The following MAP7 variants were observed in gnomAD, a reference collection of about 807,000 sequenced individuals.
MAP7 encodes ensconsin.
In MAP7, 52 loss-of-function variants were observed where a neutral mutation model predicts 94.8. That is an observed-to-expected ratio of 0.55 (90% confidence interval 0.44 to 0.69). MAP7 has a LOEUF of 0.69. MAP7 is among the 30% of genes least tolerant of loss of function. MAP7 has a pLI of 0.00. For synonymous variants in MAP7, 350 were observed against 357.0 expected (o/e 0.98, Z 0.22); for missense variants, 940 against 964.6 (o/e 0.97, Z 0.34).
chr6:136,433,143 C>G (rs1795438050), intron 1 of MAP7, among the ~76,000 whole-genome samples: 1 of 152,102 alleles, frequency 6.6e-6, no homozygotes, highest in African/African-American at 2.4e-5. Flanking sequence ...TGAAAAAAAA[C>G]TATGTATAAA....
chr6:136,474,771 T>A (rs1231342805), intron 1 of MAP7, among the ~76,000 whole-genome samples: 2 of 151,488 alleles, frequency 1.3e-5, no homozygotes, highest in Non-Finnish European at 2.9e-5. Context: ...CAGGCTGGAG[T>A]GCAATGGCAC....
chr6:136,439,237 C>G (rs1202308202), intron 1 of MAP7, among the ~76,000 whole-genome samples: 1 of 152,030 alleles, frequency 6.6e-6, no homozygotes, highest in Non-Finnish European at 1.5e-5. Context: ...GGGATTAGTA[C>G]CCTTATAAAA....
At chr6:136,407,855 A>G (rs566292045) in intron 3 of MAP7, among the ~76,000 whole-genome samples, 1 of 152,218 alleles carries the variant, frequency 6.6e-6, no homozygotes, top group Non-Finnish European at 1.5e-5. Context: ...AAGCATCAAA[A>G]ATGACGGAAA....
chr6:136,499,376 T>C (rs954890654), intron 1 of MAP7, among the ~76,000 whole-genome samples: 3 of 152,146 alleles, frequency 2.0e-5, no homozygotes, highest in African/African-American at 4.8e-5. Flanking sequence ...CTAACTAATA[T>C]GGGGCTTCAT....
At chr6:136,423,343 G>C (rs544864871) in intron 1 of MAP7, among the ~76,000 whole-genome samples, 1 of 152,138 alleles carries the variant, frequency 6.6e-6, no homozygotes, top group Non-Finnish European at 1.5e-5. Context: ...ACGAGATAAC[G>C]TACAGAAAGG....
At chr6:136,512,025 T>C (rs1488909648) in intron 1 of MAP7, among the ~76,000 whole-genome samples, 2 of 152,154 alleles carry the variant, frequency 1.3e-5, no homozygotes, top group African/African-American at 2.4e-5. Flanking sequence ...CATCCCTGCA[T>C]AAAGGCTAGT....
At chr6:136,538,783 A>G (rs2129059031) in intron 1 of MAP7, among the ~76,000 whole-genome samples, 1 of 138,694 alleles carries the variant, frequency 7.2e-6, no homozygotes, top group South Asian at 2.6e-4. Flanking sequence ...AGAGCACCAG[A>G]GCAAGATTTT....
At chr6:136,375,827 A>G (rs1004008714) in intron 7 of MAP7, among the ~76,000 whole-genome samples, 2 of 152,234 alleles carry the variant, frequency 1.3e-5, no homozygotes, top group Non-Finnish European at 2.9e-5. Context: ...GTGTCAAAAT[A>G]AAGAGCCGGT....
At chr6:136,424,838 C>T (rs1191315956) in intron 1 of MAP7, among the ~76,000 whole-genome samples, 1 of 152,334 alleles carries the variant, frequency 6.6e-6, no homozygotes, top group East Asian at 1.9e-4. Flanking sequence ...TTAAATCTCA[C>T]TGAATAATAT....
At chr6:136,516,255 G>T (rs1010397327) in intron 1 of MAP7, among the ~76,000 whole-genome samples, 10 of 151,758 alleles carry the variant, frequency 6.6e-5, no homozygotes, top group African/African-American at 2.4e-4. Context: ...CGACCTCCTT[G>T]GGCTCAGGGG....
chr6:136,468,410 G>A (rs1017734981), intron 1 of MAP7, among the ~76,000 whole-genome samples: 4 of 152,146 alleles, frequency 2.6e-5, no homozygotes, highest in Admixed American at 1.3e-4. Flanking sequence ...AAGAACTGCT[G>A]AAGATGTTAA....
At chr6:136,420,460 C>CTTTAG in intron 2 of MAP7, 1 of 469,248 alleles carries the variant, frequency 2.1e-6, no homozygotes. Context: ...ATTTCTACTT[C>CTTTAG]CATAGAGACA....
chr6:136,453,483 C>T (rs949205283), intron 1 of MAP7, among the ~76,000 whole-genome samples: 2 of 152,190 alleles, frequency 1.3e-5, no homozygotes, highest in Non-Finnish European at 2.9e-5. Flanking sequence ...TGTCATAATA[C>T]GCTTTCCGGA....
chr6:136,402,477 C>A (rs904666402), intron 3 of MAP7, among the ~76,000 whole-genome samples: 1 of 152,214 alleles, frequency 6.6e-6, no homozygotes, highest in East Asian at 1.9e-4. Flanking sequence ...GGTGCTCCTG[C>A]ACAGAGGGTC....
chr6:136,499,480 C>G (rs1225429931), intron 1 of MAP7, among the ~76,000 whole-genome samples: 3 of 152,078 alleles, frequency 2.0e-5, no homozygotes, highest in Non-Finnish European at 2.9e-5. Flanking sequence ...AGTTACACAG[C>G]TGATGACAGT....
chr6:136,379,965 T>C (rs1446798656), intron 6 of MAP7, among the ~76,000 whole-genome samples: 3 of 152,178 alleles, frequency 2.0e-5, no homozygotes, highest in African/African-American at 7.2e-5. Flanking sequence ...AACTTTTTAG[T>C]AAAGGTTAAT....
chr6:136,382,445 C>T (rs1778062465), intron 6 of MAP7, among the ~76,000 whole-genome samples: 2 of 152,098 alleles, frequency 1.3e-5, no homozygotes, highest in African/African-American at 4.8e-5. Flanking sequence ...GTAACATTCA[C>T]ATGCTATATT....
At chr6:136,482,891 A>T (rs115493999) in intron 1 of MAP7, among the ~76,000 whole-genome samples, 11 of 152,112 alleles carry the variant, frequency 7.2e-5, no homozygotes, top group Non-Finnish European at 1.3e-4. Flanking sequence ...AACTAAAAAA[A>T]ATATATATTC....
At chr6:136,407,381 G>A (rs1255535950) in intron 3 of MAP7, among the ~76,000 whole-genome samples, 1 of 152,162 alleles carries the variant, frequency 6.6e-6, no homozygotes, top group East Asian at 1.9e-4. Flanking sequence ...GCAAGATATA[G>A]TATATAGTGA....
Sources: gnomAD v4.1 joint callset for allele counts (sites outside exome capture counted in the v4.1 genomes callset) on GRCh38, gnomAD v4.1.1 for gene constraint, MANE v1.5 for transcripts, NCBI Gene and HGNC (gene_info 2026-07-23, HGNC 2026-07-21) for gene names.